Variants in MAGI2 observed in about 807,000 individuals in gnomAD.
MAGI2 encodes the protein membrane associated guanylate kinase, WW and PDZ domain containing 2.
MAGI2 carries 35 observed loss-of-function variants against 133.3 expected under a neutral mutation model. That is an observed-to-expected ratio of 0.26 (90% CI 0.20 to 0.35). MAGI2 has a LOEUF of 0.35. Ranked by LOEUF, MAGI2 falls within the 10% of genes least tolerant of loss-of-function variation. The pLI is 1.00. For synonymous variants in MAGI2, 729 were observed against 710.6 expected, an observed-to-expected ratio of 1.03 and a Z score of -0.41; for missense variants, 1,636 against 1,863.4, an observed-to-expected ratio of 0.88 and a Z score of 2.25.
chr7:78,507,201 A>C (rs1289686214), intron 4 of MAGI2, among the ~76,000 whole-genome samples: 1 of 151,038 alleles, frequency 6.6e-6, no homozygotes, highest in Non-Finnish European at 1.5e-5. Context: ...TTAACAAAAT[A>C]AGACAAAAAA....
chr7:78,536,813 T>G (rs1045504974), intron 3 of MAGI2, among the ~76,000 whole-genome samples: 3 of 147,578 alleles, frequency 2.0e-5, no homozygotes, highest in African/African-American at 7.5e-5. Flanking sequence ...CAGGCTGGAG[T>G]GCGGTGGCGC....
Position 78,315,471 on chromosome 7 carries a change from T to C in MAGI2, c.1408+28307A>G, listed in dbSNP as rs1410568930. ...AGTCATGCTATTCACATTGAGTTCT[T>C]CCTTGGAGGGTTTTAAACACGGATC... is the stretch of plus-strand genomic sequence containing the variant. On this transcript the variant is annotated intron_variant, in intron 9 of 21. Coordinates refer to ENST00000354212, the MANE Select transcript of MAGI2 (RefSeq NM_012301.4). 3.3e-5 allele frequency among the ~76,000 whole-genome samples: 5 copies of C among 152,296 alleles called. No homozygotes were observed. In the East Asian group the frequency reaches 9.6e-4, roughly 29 times the overall value.
chr7:78,369,703 C>T (rs12539788), intron 6 of MAGI2, among the ~76,000 whole-genome samples: 30,667 of 151,858 alleles, frequency 0.2, 3,675 homozygotes, highest in Non-Finnish European at 0.28. Context: ...CTTGCTGTTA[C>T]TCCACATGGG....
chr7:78,069,487 GTA>G (rs1814220979), intron 21 of MAGI2, among the ~76,000 whole-genome samples: 2 of 107,244 alleles, frequency 1.9e-5, no homozygotes, highest in African/African-American at 5.8e-5. Context: ...TTGTGTATGT[GTA>G]TGTGTGTATG....
At chr7:78,976,543 C>T (rs1804268428) in intron 2 of MAGI2, among the ~76,000 whole-genome samples, 1 of 151,160 alleles carries the variant, frequency 6.6e-6, no homozygotes. Flanking sequence ...GATTATCAAC[C>T]AGGAAAATAT....
At chr7:78,546,166 A>G (rs1270745344) in intron 3 of MAGI2, among the ~76,000 whole-genome samples, 2 of 152,150 alleles carry the variant, frequency 1.3e-5, no homozygotes, top group East Asian at 1.9e-4. Flanking sequence ...TTTAGGAGAA[A>G]ATATTAAGAC....
At chr7:78,593,635 T>A (rs956737211) in intron 3 of MAGI2, among the ~76,000 whole-genome samples, 1 of 152,208 alleles carries the variant, frequency 6.6e-6, no homozygotes, top group African/African-American at 2.4e-5. Flanking sequence ...TGTCTGAAAA[T>A]GACTAACTCT....
At chr7:78,718,519 C>A (rs1354161719) in intron 2 of MAGI2, among the ~76,000 whole-genome samples, 1 of 151,910 alleles carries the variant, frequency 6.6e-6, no homozygotes, top group African/African-American at 2.4e-5. Flanking sequence ...GAAGCAGGAA[C>A]CCTATCTTGA....
chr7:79,094,723 C>T (rs1462673106), intron 1 of MAGI2, among the ~76,000 whole-genome samples: 4 of 152,138 alleles, frequency 2.6e-5, no homozygotes, highest in African/African-American at 9.7e-5. Flanking sequence ...TACATCTCTA[C>T]AAGAGGTTTT....
intron 6 of MAGI2, among the ~76,000 whole-genome samples, chr7:78,479,473 G>A (rs1792133779): frequency 1.3e-5 from 2 of 151,872 alleles, no homozygotes; most frequent in Admixed American, 6.6e-5. Flanking sequence ...CTAGGGAAGT[G>A]CTTTCTGTAA....
intron 2 of MAGI2, among the ~76,000 whole-genome samples, chr7:78,878,159 T>C (rs80224713): frequency 6.6e-6 from 1 of 152,202 alleles, no homozygotes; most frequent in African/African-American, 2.4e-5. Context: ...TACAGATAAG[T>C]AATCAATATA....
intron 1 of MAGI2, among the ~76,000 whole-genome samples, chr7:79,248,410 A>G (rs1383980806): frequency 6.6e-6 from 1 of 152,224 alleles, no homozygotes; most frequent in Non-Finnish European, 1.5e-5. Context: ...ACCCCAATAC[A>G]ATAACAGCCG....
intron 1 of MAGI2, among the ~76,000 whole-genome samples, chr7:79,286,612 G>T (rs564444352): frequency 6.6e-6 from 1 of 151,910 alleles, no homozygotes; most frequent in South Asian, 2.1e-4. Context: ...CCAAAATATG[G>T]TCTTTTGACA....
At chr7:79,388,879 G>A (rs1051452961) in intron 1 of MAGI2, among the ~76,000 whole-genome samples, 1 of 149,058 alleles carries the variant, frequency 6.7e-6, no homozygotes, top group African/African-American at 2.5e-5. Flanking sequence ...CCCAAAGCTG[G>A]GTATGAGTAA....
intron 6 of MAGI2, among the ~76,000 whole-genome samples, chr7:78,421,834 A>T (rs972830263): frequency 6.6e-6 from 1 of 152,030 alleles, no homozygotes; most frequent in Admixed American, 6.6e-5. Context: ...CAAAAACATC[A>T]CAGAGGTCAT....
At chr7:79,102,476 C>T (rs953078844) in intron 1 of MAGI2, among the ~76,000 whole-genome samples, 3 of 152,124 alleles carry the variant, frequency 2.0e-5, no homozygotes, top group Admixed American at 6.5e-5. Context: ...ACTTTGCCTG[C>T]CTTTATTCCT....
chr7:78,703,762 A>T (rs1392280771), intron 2 of MAGI2, among the ~76,000 whole-genome samples: 1 of 151,902 alleles, frequency 6.6e-6, no homozygotes, highest in Non-Finnish European at 1.5e-5. Context: ...CCATGGGTTT[A>T]TTGATTTGGT....
intron 2 of MAGI2, among the ~76,000 whole-genome samples, chr7:78,720,755 G>GA (rs1563407160): frequency 2.6e-5 from 4 of 152,074 alleles, no homozygotes; most frequent in African/African-American, 7.2e-5. Context: ...GATAAGTTGA[G>GA]AAAAAATCAT....
intron 1 of MAGI2, among the ~76,000 whole-genome samples, chr7:79,094,261 T>C (rs771017111): frequency 3.9e-5 from 6 of 152,224 alleles, no homozygotes; most frequent in Non-Finnish European, 8.8e-5. Context: ...GAAGCCACTT[T>C]CTTTGCTTTT....
Sources: gnomAD v4.1 joint callset for allele counts (sites outside exome capture counted in the v4.1 genomes callset) on GRCh38, gnomAD v4.1.1 for gene constraint, MANE v1.5 for transcripts, NCBI Gene and HGNC (gene_info 2026-07-23, HGNC 2026-07-21) for gene names.